The following PLEKHG1 variants were observed in gnomAD, a reference collection of about 807,000 sequenced individuals.
The protein encoded by PLEKHG1 is pleckstrin homology and RhoGEF domain containing G1.
PLEKHG1 carries 44 observed loss-of-function variants against 100.8 expected under a neutral mutation model. That is an observed-to-expected ratio of 0.44 (90% CI 0.34 to 0.56). The LOEUF (loss-of-function observed/expected upper bound fraction) is 0.56. Among genes scored for constraint, PLEKHG1 ranks in the 20% least tolerant of loss-of-function variants. The probability of loss-of-function intolerance (pLI) is 0.01; values close to 1 mark genes in which losing one functional copy is unlikely to be tolerated. For missense variants in PLEKHG1, 1,545 were observed against 1,720.9 expected (o/e 0.90, Z 1.81); for synonymous variants, 640 against 662.5 (o/e 0.97, Z 0.52).
At chr6:150,809,185 C>T (rs1341451713) in exon 8 of PLEKHG1, 7 of 1,613,602 alleles carry the variant, frequency 4.3e-6, no homozygotes, top group African/African-American at 2.7e-5. Context: ...GAACCTTCCG[C>T]ATCCAGCGAG....
At chr6:150,740,913 A>T (rs1213668212) in intron 2 of PLEKHG1, among the ~76,000 whole-genome samples, 1 of 152,182 alleles carries the variant, frequency 6.6e-6, no homozygotes, top group Non-Finnish European at 1.5e-5. Flanking sequence ...CAAAAATCTC[A>T]CTTTGACTAC....
intron 1 of PLEKHG1, among the ~76,000 whole-genome samples, chr6:150,722,598 C>T (rs545638047): frequency 5.9e-5 from 9 of 152,204 alleles, no homozygotes; most frequent in East Asian, 5.8e-4. Flanking sequence ...GTGATCCGCC[C>T]GCCTTGGGCT....
At chr6:150,635,432 G>A (rs906613859) in intron 1 of PLEKHG1, among the ~76,000 whole-genome samples, 4 of 152,128 alleles carry the variant, frequency 2.6e-5, no homozygotes, top group Non-Finnish European at 5.9e-5. Flanking sequence ...GGAATTTGTG[G>A]ATACACTAAG....
intron 2 of PLEKHG1, among the ~76,000 whole-genome samples, chr6:150,742,589 A>T (rs956734724): frequency 6.3e-5 from 8 of 126,118 alleles, no homozygotes; most frequent in African/African-American, 2.2e-4. Context: ...AAAAAAAAAA[A>T]AAAGAGCGCA....
intron 2 of PLEKHG1, among the ~76,000 whole-genome samples, chr6:150,749,004 TG>T (rs1319473902): frequency 9.2e-5 from 14 of 152,148 alleles, no homozygotes; most frequent in Admixed American, 9.2e-4. Flanking sequence ...CCTTTTAAAA[TG>T]GTATGAGGAT....
At chr6:150,839,660 TTGTG>T (rs896049008) in intron 15 of PLEKHG1, among the ~76,000 whole-genome samples, 169 bp from the exon 17 acceptor site, 33 of 152,006 alleles carry the variant, frequency 2.2e-4, no homozygotes, top group Non-Finnish European at 1.6e-4. Context: ...AACCATGGAT[TTGTG>T]TGTGTGTGTT....
intron 14 of PLEKHG1, among the ~76,000 whole-genome samples, chr6:150,823,946 G>A (rs1284989067): frequency 6.6e-6 from 1 of 152,202 alleles, no homozygotes; most frequent in African/African-American, 2.4e-5. Context: ...CTCAGAGGCT[G>A]TAACCTTACC....
At chr6:150,755,650 C>T (rs959952300) in intron 2 of PLEKHG1, among the ~76,000 whole-genome samples, 1 of 152,138 alleles carries the variant, frequency 6.6e-6, no homozygotes, top group Non-Finnish European at 1.5e-5. Flanking sequence ...TTCTGCTTCA[C>T]GCTGAAGCTA....
chr6:150,806,377 T>C (rs115174801), intron 7 of PLEKHG1, among the ~76,000 whole-genome samples: 6,828 of 151,972 alleles, frequency 0.045, 241 homozygotes, highest in African/African-American at 0.096. Flanking sequence ...CCATGGTCAA[T>C]CAAGGTTAGA....
intron 10 of PLEKHG1, among the ~76,000 whole-genome samples, chr6:150,813,171 G>A (rs1489402917): frequency 1.3e-5 from 2 of 152,074 alleles, no homozygotes; most frequent in Admixed American, 6.5e-5. Flanking sequence ...TAGGCGTGGT[G>A]GCGGGTGCCT....
At position 150,787,608 on chromosome 6, in the gene PLEKHG1, C is replaced by T. The variant is rs537888698; in HGVS notation, c.582+1149C>T. 2.0e-5 allele frequency among the ~76,000 whole-genome samples: 3 copies of T among 152,350 alleles called. No homozygotes were observed. In the South Asian group the frequency reaches 6.2e-4, roughly 32 times the overall value. On this transcript the variant is annotated intron_variant, in intron 4 of 15. Transcript: ENST00000358517. ...CTTTGAGACCCACTGGGAATTAGCA[C>T]ACGCGGAGTCCGGTGTGAACTGGGA...
chr6:150,703,769 A>G (rs1157457652), intron 3 of PLEKHG1, among the ~76,000 whole-genome samples: 1 of 152,186 alleles, frequency 6.6e-6, no homozygotes, highest in Non-Finnish European at 1.5e-5. Flanking sequence ...GGCAATACAT[A>G]TGAATCACAG....
rs74700674 is a variant in PLEKHG1, at chr6:150,690,945, A to G, written c.-99+40159A>G. On this transcript the variant is annotated intron_variant, in intron 3 of 3. Coordinates refer to the PLEKHG1 transcript ENST00000367326. ...GTGTTGCTCTTCCGCAACCCAGCGC[A>G]TGCATTGTTCACTTTCCCCATAGTC... Among the ~76,000 whole-genome samples the G allele has an allele frequency of 8.3e-3, 1,270 of 152,276 alleles. 15 individuals are homozygous for G. Among genetic ancestry groups the G allele is most frequent in the African/African-American group, 0.029 (1,216 of 41,542 alleles).
At chr6:150,687,386 G>A (rs988827605) in intron 3 of PLEKHG1, among the ~76,000 whole-genome samples, 1 of 152,164 alleles carries the variant, frequency 6.6e-6, no homozygotes, top group Non-Finnish European at 1.5e-5. Flanking sequence ...GATGTGGAGA[G>A]TACTTAATTT....
At chr6:150,688,773 A>C (rs1178241448) in intron 3 of PLEKHG1, among the ~76,000 whole-genome samples, 1 of 152,238 alleles carries the variant, frequency 6.6e-6, no homozygotes, top group East Asian at 1.9e-4. Context: ...TTTTTTAAAA[A>C]ACAGTGTCTT....
intron 3 of PLEKHG1, among the ~76,000 whole-genome samples, chr6:150,692,167 C>T (rs773816988): frequency 7.2e-5 from 11 of 152,202 alleles, no homozygotes; most frequent in Non-Finnish European, 1.3e-4. Flanking sequence ...AGAAATTGCA[C>T]ATCACAACTT....
At chr6:150,814,919 C>G (rs1207344441) in intron 10 of PLEKHG1, among the ~76,000 whole-genome samples, 2 of 152,118 alleles carry the variant, frequency 1.3e-5, no homozygotes, top group Non-Finnish European at 2.9e-5. Flanking sequence ...GAGGTTTCAC[C>G]ATGTTGGCCA....
At chr6:150,649,868 C>T (rs1778647954) in intron 2 of PLEKHG1, among the ~76,000 whole-genome samples, 1 of 152,062 alleles carries the variant, frequency 6.6e-6, no homozygotes, top group South Asian at 2.1e-4. Context: ...AAAAATTAGC[C>T]GGGCGTGGCG....
At chr6:150,637,663 T>TA (rs1159680749) in intron 1 of PLEKHG1, among the ~76,000 whole-genome samples, 1 of 152,146 alleles carries the variant, frequency 6.6e-6, no homozygotes, top group Non-Finnish European at 1.5e-5. Context: ...TACGACATAG[T>TA]TGATTGTGTG....
Sources: gnomAD v4.1 joint callset for allele counts (sites outside exome capture counted in the v4.1 genomes callset) on GRCh38, gnomAD v4.1.1 for gene constraint, MANE v1.5 for transcripts, NCBI Gene and HGNC (gene_info 2026-07-23, HGNC 2026-07-21) for gene names.